RBMS3: variants seen among roughly 807,000 people sequenced by gnomAD.
RBMS3 encodes RNA binding motif single stranded interacting protein 3.
A neutral mutation model predicts 66.8 loss-of-function variants in RBMS3; 27 were observed. The ratio of observed to expected loss-of-function variants is 0.40; its 90% confidence interval spans 0.30 to 0.56. The LOEUF is 0.56. RBMS3 is among the 20% of genes least tolerant of loss of function. RBMS3 has a pLI of 0.40. For missense variants in RBMS3, 513 were observed against 549.5 expected, an observed-to-expected ratio of 0.93 and a Z score of 0.66; for synonymous variants, 188 against 183.0, an observed-to-expected ratio of 1.03 and a Z score of -0.22.
At chr3:29,752,333 A>G (rs1402400884) in intron 5 of RBMS3, among the ~76,000 whole-genome samples, 2 of 151,886 alleles carry the variant, frequency 1.3e-5, no homozygotes, top group Admixed American at 1.3e-4. Context: ...TTTTATGGGT[A>G]CAGGGTGGAG....
intron 10 of RBMS3, among the ~76,000 whole-genome samples, chr3:29,920,717 T>C (rs1376833317): frequency 6.6e-6 from 1 of 152,124 alleles, no homozygotes; most frequent in African/African-American, 2.4e-5. Context: ...GGCTGATGCC[T>C]GTAATCCCAG....
intron 3 of RBMS3, among the ~76,000 whole-genome samples, chr3:29,509,749 G>A (rs922883198): frequency 6.6e-6 from 1 of 152,176 alleles, no homozygotes; most frequent in Non-Finnish European, 1.5e-5. Context: ...TTAGCAAGCT[G>A]TGTATAATCA....
At chr3:29,473,465 C>T (rs1182054009) in intron 2 of RBMS3, among the ~76,000 whole-genome samples, 6 of 152,230 alleles carry the variant, frequency 3.9e-5, no homozygotes, top group South Asian at 2.1e-4. Flanking sequence ...GCACGGAGGC[C>T]GCAGGTGGAG....
intron 12 of RBMS3, among the ~76,000 whole-genome samples, chr3:29,985,170 G>A (rs992305165): frequency 1.3e-5 from 2 of 152,154 alleles, no homozygotes; most frequent in African/African-American, 2.4e-5. Context: ...CAGCAGCTTT[G>A]TTTACACTGT....
Position 29,281,269 on chromosome 3 carries a change from A to G in RBMS3, c.-413A>G. The stretch of plus-strand genomic sequence containing the variant: ...GGAAAGAGACAACCAAGAGACAGGA[A>G]GCTGATCTGCAAGGATTCGGAGTTG... On this transcript the variant is annotated 5_prime_UTR_variant, in exon 1 of 15. Coordinates refer to ENST00000383767, the MANE Select transcript of RBMS3 (RefSeq NM_001003793.3). 1 of 165,622 alleles carries G rather than the reference A, an allele frequency of 6.0e-6. No individual in the cohort carries two copies. The highest frequency in any genetic ancestry group is 1.3e-5 in the Non-Finnish European group (1 of 79,852). 10.3% of individuals were successfully genotyped at this position (165,622 alleles called of 1,614,324 possible).
chr3:29,690,411 G>C (rs1335335673), intron 4 of RBMS3, among the ~76,000 whole-genome samples: 2 of 152,144 alleles, frequency 1.3e-5, no homozygotes, highest in Non-Finnish European at 2.9e-5. Flanking sequence ...GTTCTTGACA[G>C]AATGAGACCC....
At chr3:29,769,038 A>C (rs182799855) in intron 6 of RBMS3, among the ~76,000 whole-genome samples, 14 of 152,064 alleles carry the variant, frequency 9.2e-5, no homozygotes, top group Non-Finnish European at 1.6e-4. Flanking sequence ...TAGTAAAGTG[A>C]ATTTCATGGC....
intron 3 of RBMS3, among the ~76,000 whole-genome samples, chr3:29,515,766 T>C (rs1394651414): frequency 1.3e-5 from 2 of 152,172 alleles, no homozygotes; most frequent in Non-Finnish European, 1.5e-5. Context: ...ACTTTAGCAT[T>C]ACATTTGCAG....
chr3:30,003,313 G>A (rs1699693913), intron 14 of RBMS3, among the ~76,000 whole-genome samples: 1 of 151,910 alleles, frequency 6.6e-6, no homozygotes, highest in South Asian at 2.1e-4. Flanking sequence ...AAGGGTAAAG[G>A]GTAGAAGTAA....
At chr3:29,959,278 T>C (rs1696249340) in intron 12 of RBMS3, among the ~76,000 whole-genome samples, 1 of 151,970 alleles carries the variant, frequency 6.6e-6, no homozygotes, top group Non-Finnish European at 1.5e-5. Context: ...ATCACAGGAT[T>C]CCAAGCTTTT....
chr3:29,942,973 C>A (rs902520000), intron 11 of RBMS3, among the ~76,000 whole-genome samples: 2 of 151,798 alleles, frequency 1.3e-5, no homozygotes, highest in South Asian at 4.2e-4. Flanking sequence ...GTATCTGTTG[C>A]AAGAAACAAA....
Position 29,936,121 on chromosome 3 carries a change from G to T in RBMS3, c.975G>T (p.Met325Ile), listed in dbSNP as rs1180715225. The change falls in exon 11 of 15, where the codon ATG (methionine) becomes ATT (isoleucine). Residue 325 changes from methionine to isoleucine, a missense_variant. Physicochemically the swap from Met to Ile is conservative, Grantham distance 10. Transcript: ENST00000383767. ...AVITPTMDHP[M>I]SMQPANMMGP... The stretch of plus-strand genomic sequence containing the variant: ...TTACACCAACCATGGACCATCCCAT[G>T]TCAATGCAGCCAGCCAACATGATGG... The T allele has an allele frequency of 4.3e-6, 7 of 1,613,192 alleles. No homozygotes were observed. Among genetic ancestry groups the T allele is most frequent in the Non-Finnish European group, 5.9e-6 (7 of 1,179,530 alleles).
At chr3:29,766,240 T>G (rs902941497) in intron 6 of RBMS3, 2 of 151,986 alleles carry the variant, frequency 1.3e-5, no homozygotes, top group Non-Finnish European at 2.9e-5. Flanking sequence ...ACAATGACAA[T>G]TATTCTTAAA....
chr3:29,482,693 C>CTTTTTTTTTTTTTT (rs1156893161), intron 2 of RBMS3, among the ~76,000 whole-genome samples: 1 of 91,746 alleles, frequency 1.1e-5, no homozygotes, highest in Non-Finnish European at 2.0e-5. Context: ...CATTTTCTTT[C>CTTTTTTTTTTTTTT]TTTCTTTCTT....
At chr3:29,840,477 C>T (rs1385775282) in intron 6 of RBMS3, among the ~76,000 whole-genome samples, 1 of 151,926 alleles carries the variant, frequency 6.6e-6, no homozygotes, top group East Asian at 1.9e-4. Context: ...TTCTTAAATC[C>T]TTCTGCATTT....
chr3:29,578,263 G>T (rs1014178534), intron 3 of RBMS3, among the ~76,000 whole-genome samples: 1 of 152,164 alleles, frequency 6.6e-6, no homozygotes, highest in African/African-American at 2.4e-5. Flanking sequence ...CAAGGTCTAG[G>T]TGTAAGGGAA....
At chr3:29,836,490 G>C (rs1290995945) in intron 6 of RBMS3, among the ~76,000 whole-genome samples, 1 of 151,850 alleles carries the variant, frequency 6.6e-6, no homozygotes, top group Non-Finnish European at 1.5e-5. Context: ...ACTTAAACAT[G>C]GAATCTAGAA....
At position 29,425,027 on chromosome 3, in the gene RBMS3, C is replaced by T. The variant is rs965102210; in HGVS notation, c.76-9716C>T. On this transcript the variant is annotated intron_variant, in intron 1 of 14. Transcript: ENST00000383767. ...GCTACATCCATTGGTCTTCATTCTA[C>T]TTAGGAGGGTGTACATTTTAAAAAA... is the stretch of plus-strand genomic sequence containing the variant. Among the ~76,000 whole-genome samples, 3 of 151,942 alleles carry T rather than the reference C, an allele frequency of 2.0e-5. No individual in the cohort carries two copies. The South Asian group carries it at 6.2e-4, about 32-fold the overall frequency.
At chr3:29,687,916 A>G (rs1206416810) in intron 4 of RBMS3, among the ~76,000 whole-genome samples, 8 of 152,192 alleles carry the variant, frequency 5.3e-5, no homozygotes, top group Admixed American at 5.2e-4. Flanking sequence ...AATTACATTT[A>G]TTACAGTATG....
Sources: allele counts gnomAD v4.1 joint callset (sites outside exome capture counted in the v4.1 genomes callset), GRCh38; gene constraint gnomAD v4.1.1; transcripts MANE v1.5; gene names NCBI Gene and HGNC (gene_info 2026-07-23, HGNC 2026-07-21).